CNTN6: variants seen among roughly 807,000 people sequenced by gnomAD.
CNTN6 encodes the protein contactin-6.
Under a neutral mutation model 122.8 loss-of-function variants are expected in CNTN6, and 137 were observed. The ratio of observed to expected loss-of-function variants is 1.12; its 90% CI spans 0.97 to 1.29. The LOEUF (loss-of-function observed/expected upper bound fraction) is 1.29, where lower values mean the gene tolerates loss of function less well. Ranked by LOEUF, CNTN6 falls within the 50% of genes most tolerant of loss-of-function variation. The pLI, the probability that CNTN6 is intolerant of heterozygous loss-of-function variation, is 0.00. For synonymous variants in CNTN6, 570 were observed against 426.0 expected, an observed-to-expected ratio of 1.34 and a Z score of -4.16; for missense variants, 1,634 against 1,223.4, an observed-to-expected ratio of 1.34 and a Z score of -5.01.
At chr3:1,245,279 AC>A (rs1238873860) in intron 4 of CNTN6, among the ~76,000 whole-genome samples, 899 of 5,034 alleles carry the variant, frequency 0.18, 168 homozygotes, top group Middle Eastern at 0.83. Flanking sequence ...ATATATACAC[AC>A]ACATATATAT....
At chr3:1,251,411 C>T (rs76126744) in intron 4 of CNTN6, among the ~76,000 whole-genome samples, 9 of 152,252 alleles carry the variant, frequency 5.9e-5, no homozygotes, top group Non-Finnish European at 8.8e-5. Context: ...TCTCCTGCTT[C>T]GTCTTGTCAT....
At chr3:1,209,383 A>G (rs539522981) in intron 2 of CNTN6, among the ~76,000 whole-genome samples, 1 of 152,274 alleles carries the variant, frequency 6.6e-6, no homozygotes, top group Non-Finnish European at 1.5e-5. Context: ...AAGCATGGCC[A>G]CTGTCAGGTG....
chr3:1,394,334 G>T, intron 20 of CNTN6: 1 of 178,014 alleles, frequency 5.6e-6, no homozygotes. Context: ...TGGAGCTGGT[G>T]GGTGTAGGCC....
chr3:1,210,937 C>T (rs375500258), intron 2 of CNTN6, among the ~76,000 whole-genome samples: 2 of 152,182 alleles, frequency 1.3e-5, no homozygotes, highest in Admixed American at 6.6e-5. Flanking sequence ...ACTTTCTCAG[C>T]GACCCTCACA....
At chr3:1,164,478 C>T (rs192073677) in intron 2 of CNTN6, among the ~76,000 whole-genome samples, 2 of 151,860 alleles carry the variant, frequency 1.3e-5, no homozygotes, top group East Asian at 3.9e-4. Flanking sequence ...TTTTGCTTTC[C>T]TGATTGAACC....
intron 4 of CNTN6, among the ~76,000 whole-genome samples, chr3:1,231,102 TC>T (rs937335791): frequency 3.9e-5 from 6 of 152,208 alleles, no homozygotes; most frequent in African/African-American, 1.4e-4. Flanking sequence ...CCTTCTTCCC[TC>T]CCTGCCTTTC....
chr3:1,209,615 T>C (rs1189561886), intron 2 of CNTN6, among the ~76,000 whole-genome samples: 2 of 152,180 alleles, frequency 1.3e-5, no homozygotes, highest in African/African-American at 2.4e-5. Context: ...CAAATGATTA[T>C]TACAATGAAA....
chr3:1,282,931 T>C (rs1263836145), intron 5 of CNTN6, among the ~76,000 whole-genome samples: 1 of 152,164 alleles, frequency 6.6e-6, no homozygotes, highest in Non-Finnish European at 1.5e-5. Flanking sequence ...CCCTGCAGGG[T>C]TCTAAGGTCA....
intron 20 of CNTN6, among the ~76,000 whole-genome samples, chr3:1,387,953 A>C (rs1447313744): frequency 1.3e-5 from 2 of 152,028 alleles, no homozygotes; most frequent in Non-Finnish European, 2.9e-5. Flanking sequence ...GCAGTCTGAG[A>C]TCAAACTGCA....
intron 1 of CNTN6, among the ~76,000 whole-genome samples, chr3:1,144,433 G>T (rs143694074): frequency 1.4e-3 from 218 of 152,016 alleles, no homozygotes; most frequent in Middle Eastern, 0.014. Flanking sequence ...AAATTAGCCA[G>T]GTGTAGTGGA....
chr3:1,283,958 C>A (rs1693916430), intron 5 of CNTN6, among the ~76,000 whole-genome samples: 2 of 152,190 alleles, frequency 1.3e-5, no homozygotes, highest in African/African-American at 4.8e-5. Context: ...AAGATCATGC[C>A]TTTGCACTCC....
At chr3:1,338,791 T>A (rs926106010) in intron 11 of CNTN6, among the ~76,000 whole-genome samples, 8 of 152,176 alleles carry the variant, frequency 5.3e-5, no homozygotes, top group Non-Finnish European at 1.2e-4. Flanking sequence ...GTTCTTGGTT[T>A]GATTTTTGAG....
intron 1 of CNTN6, among the ~76,000 whole-genome samples, chr3:1,118,158 C>T (rs910107253): frequency 3.9e-5 from 6 of 152,062 alleles, no homozygotes; most frequent in East Asian, 1.9e-4. Flanking sequence ...TGCCAGCATA[C>T]GAGGAAAGTT....
chr3:1,120,982 C>T (rs1205478005), intron 1 of CNTN6, among the ~76,000 whole-genome samples: 1 of 141,026 alleles, frequency 7.1e-6, no homozygotes, highest in East Asian at 2.1e-4. Flanking sequence ...TAGCATTATT[C>T]CTTTGAATAT....
intron 12 of CNTN6, 59 bp from the exon 13 acceptor site, chr3:1,372,240 T>C (rs1218366400): frequency 1.1e-5 from 15 of 1,349,168 alleles, no homozygotes; most frequent in Non-Finnish European, 1.5e-5. Context: ...GAAATATGTA[T>C]TTTATAACCA....
intron 18 of CNTN6, 42 bp downstream of exon 18, chr3:1,383,218 A>G (rs758401063): frequency 6.3e-7 from 1 of 1,593,042 alleles, no homozygotes; most frequent in Non-Finnish European, 8.6e-7. Context: ...GACTCTATGC[A>G]TAGTTTGTGT....
intron 7 of CNTN6, among the ~76,000 whole-genome samples, chr3:1,306,527 A>G (rs1332898150): frequency 1.3e-5 from 2 of 152,232 alleles, no homozygotes; most frequent in Non-Finnish European, 2.9e-5. Flanking sequence ...GGCAAATGGT[A>G]TGCTGAAAAG....
intron 4 of CNTN6, among the ~76,000 whole-genome samples, chr3:1,257,269 C>T (rs1181163625): frequency 1.3e-5 from 2 of 152,046 alleles, no homozygotes; most frequent in Admixed American, 6.6e-5. Flanking sequence ...TTTTCTTTTA[C>T]AAATTATGTG....
intron 1 of CNTN6, among the ~76,000 whole-genome samples, chr3:1,131,600 G>A (rs1480223238): frequency 6.6e-6 from 1 of 152,110 alleles, no homozygotes; most frequent in Non-Finnish European, 1.5e-5. Flanking sequence ...ACTTCTCTGT[G>A]TGGCAAGGAA....
Sources: allele counts gnomAD v4.1 joint callset (sites outside exome capture counted in the v4.1 genomes callset), GRCh38; gene constraint gnomAD v4.1.1; transcripts MANE v1.5; gene names NCBI Gene and HGNC (gene_info 2026-07-23, HGNC 2026-07-21).